Variants in HMGB1 observed in about 807,000 individuals in gnomAD.
HMGB1 encodes high mobility group protein B1.
For synonymous variants in HMGB1, 81 were observed against 84.0 expected, an observed-to-expected ratio of 0.96 and a Z score of 0.19; for missense variants, 79 against 253.5, an observed-to-expected ratio of 0.31 and a Z score of 4.67.
chr13:30,476,627 G>A (rs1456618182), intron 1 of HMGB1, among the ~76,000 whole-genome samples: 1 of 152,046 alleles, frequency 6.6e-6, no homozygotes, highest in Non-Finnish European at 1.5e-5. Flanking sequence ...ATTTTGGGAG[G>A]CAGAGGTGGG....
At chr13:30,483,512 C>T (rs920722278) in intron 1 of HMGB1, among the ~76,000 whole-genome samples, 6 of 152,060 alleles carry the variant, frequency 3.9e-5, no homozygotes, top group Admixed American at 6.6e-5. Context: ...TAGGAAACTC[C>T]GAGTGACGTT....
At chr13:30,507,568 C>T (rs755536971) in intron 1 of HMGB1, among the ~76,000 whole-genome samples, 12 of 152,336 alleles carry the variant, frequency 7.9e-5, no homozygotes, top group Middle Eastern at 3.4e-3. Flanking sequence ...AAGACTAGCA[C>T]AGCAGAATTA....
chr13:30,554,583 C>A, intron 1 of HMGB1: 4 of 770,940 alleles, frequency 5.2e-6, no homozygotes, highest in Non-Finnish European at 9.6e-6. Flanking sequence ...GATCATTCAC[C>A]GAACAAAATA....
At chr13:30,586,964 G>A (rs1326759814) in intron 1 of HMGB1, among the ~76,000 whole-genome samples, 3 of 151,998 alleles carry the variant, frequency 2.0e-5, no homozygotes, top group Middle Eastern at 3.4e-3. Flanking sequence ...AGTATTTGTT[G>A]CTATAAATTT....
At chr13:30,544,351 G>C (rs529270263) in intron 1 of HMGB1, among the ~76,000 whole-genome samples, 8 of 152,302 alleles carry the variant, frequency 5.3e-5, no homozygotes, top group African/African-American at 1.9e-4. Context: ...CTAATGGCTG[G>C]GGACCCCTAA....
chr13:30,485,024 T>A (rs1458747692), intron 1 of HMGB1, among the ~76,000 whole-genome samples: 1 of 99,666 alleles, frequency 1.0e-5, no homozygotes, highest in Non-Finnish European at 2.4e-5. Context: ...ACATTTCTTT[T>A]TTTCTTTTTC....
chr13:30,566,739 G>T (rs941936600), intron 1 of HMGB1, among the ~76,000 whole-genome samples: 11 of 152,160 alleles, frequency 7.2e-5, no homozygotes, highest in African/African-American at 2.4e-4. Flanking sequence ...CAAAGAGATT[G>T]TACCCACCCA....
intron 1 of HMGB1, among the ~76,000 whole-genome samples, chr13:30,555,187 G>A (rs1436144930): frequency 6.6e-6 from 1 of 151,692 alleles, no homozygotes; most frequent in Admixed American, 6.6e-5. Context: ...GAATACAGGC[G>A]CCCGCCACCA....
intron 1 of HMGB1, among the ~76,000 whole-genome samples, chr13:30,556,188 T>C (rs1342221641): frequency 1.3e-5 from 2 of 152,218 alleles, no homozygotes; most frequent in East Asian, 3.8e-4. Context: ...GCAGATCACC[T>C]GAGACTGGGA....
intron 1 of HMGB1, among the ~76,000 whole-genome samples, chr13:30,487,898 G>A (rs2137437595): frequency 6.6e-6 from 1 of 152,078 alleles, no homozygotes; most frequent in Admixed American, 6.5e-5. Flanking sequence ...AAAAACTTGA[G>A]CTCACATTGC....
intron 1 of HMGB1, among the ~76,000 whole-genome samples, chr13:30,546,268 G>A (rs1309741949): frequency 6.6e-6 from 1 of 152,058 alleles, no homozygotes; most frequent in Non-Finnish European, 1.5e-5. Context: ...GGTGTGCATC[G>A]CCACGCCTGG....
At chr13:30,495,480 C>CTT (rs68170969) in intron 1 of HMGB1, among the ~76,000 whole-genome samples, 1 of 134,488 alleles carries the variant, frequency 7.4e-6, no homozygotes, top group Non-Finnish European at 1.6e-5. Context: ...TTTTTCTTTT[C>CTT]TTTTTTTTTT....
At chr13:30,498,031 C>G (rs923358194) in intron 1 of HMGB1, among the ~76,000 whole-genome samples, 1 of 152,158 alleles carries the variant, frequency 6.6e-6, no homozygotes, top group Non-Finnish European at 1.5e-5. Flanking sequence ...GAGGAATCGC[C>G]AAACTGCTTT....
intron 1 of HMGB1, among the ~76,000 whole-genome samples, chr13:30,602,851 G>A (rs139931934): frequency 6.6e-6 from 1 of 152,164 alleles, no homozygotes; most frequent in Admixed American, 6.5e-5. Flanking sequence ...TGTCACCCAG[G>A]ACAGAGGGCA....
chr13:30,609,154 T>G (rs112180074), intron 1 of HMGB1, among the ~76,000 whole-genome samples: 1,582 of 152,232 alleles, frequency 0.01, 33 homozygotes, highest in African/African-American at 0.036. Flanking sequence ...TCCCAGCTAC[T>G]CAGGACGCTG....
At chr13:30,575,183 T>C (rs944616978) in intron 1 of HMGB1, among the ~76,000 whole-genome samples, 2 of 152,220 alleles carry the variant, frequency 1.3e-5, no homozygotes, top group African/African-American at 2.4e-5. Context: ...CTTATGTAGT[T>C]AGTAAAAACA....
At chr13:30,520,772 T>G (rs534210351) in intron 1 of HMGB1, among the ~76,000 whole-genome samples, 2 of 152,354 alleles carry the variant, frequency 1.3e-5, no homozygotes, top group East Asian at 3.9e-4. Flanking sequence ...GCACTGGTGA[T>G]GCAGCATTTC....
intron 1 of HMGB1, among the ~76,000 whole-genome samples, chr13:30,477,230 A>C (rs1887118658): frequency 6.6e-6 from 1 of 152,180 alleles, no homozygotes; most frequent in African/African-American, 2.4e-5. Flanking sequence ...CATATATAAA[A>C]TCTGAAAAAA....
At chr13:30,550,490 A>T (rs1869374378) in intron 1 of HMGB1, among the ~76,000 whole-genome samples, 1 of 152,200 alleles carries the variant, frequency 6.6e-6, no homozygotes, top group Admixed American at 6.5e-5. Context: ...ATAGAATCTA[A>T]ATCGAGTCCT....
Sources: allele counts gnomAD v4.1 joint callset (sites outside exome capture counted in the v4.1 genomes callset), GRCh38; gene constraint gnomAD v4.1.1; transcripts MANE v1.5; gene names NCBI Gene and HGNC (gene_info 2026-07-23, HGNC 2026-07-21).